CDON: variants seen among roughly 807,000 people sequenced by gnomAD.
CDON encodes cell adhesion associated, oncogene regulated, also known as cell adhesion molecule-related/down-regulated by oncogenes.
CDON carries 73 observed loss-of-function variants against 120.9 expected under a neutral mutation model. The ratio of observed to expected loss-of-function variants is 0.60; its 90% CI spans 0.50 to 0.73. The LOEUF (loss-of-function observed/expected upper bound fraction) is 0.73. Ranked by LOEUF, CDON falls within the 30% of genes least tolerant of loss-of-function variation. CDON has a pLI of 0.00. For synonymous variants in CDON, 566 were observed against 573.5 expected (o/e 0.99, Z 0.19); for missense variants, 1,470 against 1,587.3 (o/e 0.93, Z 1.26).
intron 1 of CDON, among the ~76,000 whole-genome samples, chr11:126,042,750 T>C (rs1161115050): frequency 6.6e-6 from 1 of 152,170 alleles, no homozygotes; most frequent in Non-Finnish European, 1.5e-5. Flanking sequence ...GCCTCCAAAG[T>C]AGCTGGGATT....
intron 17 of CDON, among the ~76,000 whole-genome samples, chr11:125,979,097 G>T (rs1254701385): frequency 6.6e-6 from 1 of 152,228 alleles, no homozygotes; most frequent in Non-Finnish European, 1.5e-5. Flanking sequence ...AAACTAGCCT[G>T]ATAGTCAGAG....
rs924374483 is a variant in CDON, at chr11:125,997,490, C to G, written c.2159-80G>C. Reference sequence around the variant, plus strand: ...ATAGTTAAATTAAAGGGATAAGTCCCAAACTTCATGTTATTAAAGGTTCTT... The same window carrying G: ...ATAGTTAAATTAAAGGGATAAGTCCGAAACTTCATGTTATTAAAGGTTCTT... On this transcript the variant is annotated intron_variant, in intron 11 of 19. Transcript: ENST00000531738. 8.3e-6 allele frequency: 9 copies of G among 1,087,076 alleles called. No individual in the cohort carries two copies. The Admixed American group carries it at 1.4e-4, about 17-fold the overall frequency. 67.3% of individuals were successfully genotyped at this position (1,087,076 alleles called of 1,614,324 possible). A position where few individuals can be genotyped will look rare whatever the true frequency, so the allele number is the denominator to read the frequency against.
chr11:126,003,447 C>T (rs1296399541), intron 10 of CDON, among the ~76,000 whole-genome samples: 4 of 152,260 alleles, frequency 2.6e-5, no homozygotes, highest in Non-Finnish European at 2.9e-5. Context: ...AATACAATCA[C>T]GTAAATGTGA....
chr11:126,004,060 C>A lies in CDON; in HGVS notation c.1868G>T (p.Gly623Val), dbSNP rs746219316. The A allele has an allele frequency of 1.9e-6, 3 of 1,613,808 alleles. No individual in the cohort carries two copies. The highest frequency in any genetic ancestry group is 1.7e-6 in the Non-Finnish European group (2 of 1,179,964). ...VKYRKLDDGVGMLGSWHTVRV... is the reference protein window; with the variant it reads ...VKYRKLDDGVVMLGSWHTVRV... ...AACCGTGTGCCAGCTTCCCAGCATG[C>A]CAACCCCATCATCCAGCTGCCCAAG... Residue 623 changes from glycine to valine, a missense_variant, in exon 10 of 20, where the codon GGC (glycine) becomes GTC (valine). Gly to Val is a moderately radical substitution (Grantham distance 109). Coordinates refer to ENST00000531738, the MANE Select transcript of CDON (RefSeq NM_001378964.1).
At chr11:125,981,949 G>C (rs987462773) in intron 16 of CDON, among the ~76,000 whole-genome samples, 2 of 129,738 alleles carry the variant, frequency 1.5e-5, no homozygotes, top group African/African-American at 5.5e-5. Context: ...GAGTACCAAA[G>C]GCAAAAAGTG....
At chr11:125,963,595 T>C (rs1208352777) in intron 18 of CDON, among the ~76,000 whole-genome samples, 1 of 152,170 alleles carries the variant, frequency 6.6e-6, no homozygotes, top group Non-Finnish European at 1.5e-5. Context: ...GACATGAACC[T>C]GAAAGAGAAT....
In CDON at chr11:126,004,074, C is replaced by A; in HGVS notation, c.1854G>T (p.Leu618=). 1 of 1,613,828 alleles carries A rather than the reference C, an allele frequency of 6.2e-7. No individual in the cohort carries two copies. The highest frequency in any genetic ancestry group is 1.1e-5 in the South Asian group (1 of 91,058). Residue 618 remains leucine, a splice_region_variant and synonymous_variant, in exon 10 of 20, where the codon CTG becomes CTT. Transcript: ENST00000531738. ...TTCCCAGCATGCCAACCCCATCATC[C>A]AGCTGCCCAAGAGAAAACACACCAG... ...INAYFVKYRK[L]DDGVGMLGSW...
At position 125,997,423 on chromosome 11, in the gene CDON, A is replaced by G; in HGVS notation, c.2159-13T>C. ...GGTGCCTCTGGAACTAAACACGGAA[A>G]CGTTCATTTCAATAACCCACCATGT... On this transcript the variant is annotated splice_polypyrimidine_tract_variant and intron_variant, in intron 11 of 19. Transcript: ENST00000531738. 6.3e-7 allele frequency: 1 copy of G among 1,587,144 alleles called. No homozygotes were observed. The highest frequency in any genetic ancestry group is 1.1e-5 in the South Asian group (1 of 89,408).
chr11:126,018,232 TAAAC>T, intron 5 of CDON, 94 bp downstream of exon 5: 1 of 1,299,314 alleles, frequency 7.7e-7, no homozygotes, highest in South Asian at 1.2e-5. Context: ...CTTTTTATGA[TAAAC>T]AAACAGGATT....
intron 19 of CDON, 50 bp from the exon 20 acceptor site, chr11:125,961,155 T>C (rs773799810): frequency 2.6e-6 from 4 of 1,555,640 alleles, no homozygotes; most frequent in Middle Eastern, 3.4e-4. Context: ...AAGGCTGATT[T>C]TTACAAAGCA....
Position 125,981,158 on chromosome 11 carries a change from G to C in CDON, c.3167C>G (p.Ala1056Gly), listed in dbSNP as rs764752866. The change falls in exon 17 of 20, where the codon GCA becomes GGA. Residue 1056 changes from alanine to glycine, a missense_variant. Ala to Gly is a moderately conservative substitution (Grantham distance 60). Transcript: ENST00000531738. ...GCTCCCATTCACAATTCCATTGACT[G>C]CATTGGGGACCTTATGGTGAAGGTG... Reference protein sequence around the residue: ...YSHLHHKVPNAVNGIVNGSLN... With the variant: ...YSHLHHKVPNGVNGIVNGSLN... The C allele has an allele frequency of 1.9e-6, 3 of 1,614,122 alleles. No individual in the cohort carries two copies. The South Asian group carries it at 3.3e-5, about 18-fold the overall frequency.
At chr11:125,962,106 GAA>G in intron 18 of CDON, 108 bp from the exon 19 acceptor site, 5 of 854,562 alleles carry the variant, frequency 5.9e-6, no homozygotes, top group African/African-American at 1.7e-5. Context: ...AGACTCTTAA[GAA>G]AGAGTGATGC....
At chr11:126,062,302 C>T (rs1202504769) in intron 1 of CDON, among the ~76,000 whole-genome samples, 1 of 152,064 alleles carries the variant, frequency 6.6e-6, no homozygotes, top group East Asian at 1.9e-4. Context: ...CCCCGAGGAC[C>T]ATCGTCAAGA....
chr11:125,983,821 T>A, intron 16 of CDON, 51 bp downstream of exon 16: 1 of 1,300,096 alleles, frequency 7.7e-7, no homozygotes, highest in African/African-American at 1.4e-5. Context: ...CTGACAATAT[T>A]TGTCTACCCA....
chr11:125,961,035 G>T lies in CDON; in HGVS notation c.3702C>A (p.Val1234=). 6.2e-7 allele frequency: 1 copy of T among 1,613,920 alleles called. No individual in the cohort carries two copies. The highest frequency in any genetic ancestry group is 8.5e-7 in the Non-Finnish European group (1 of 1,179,782). The part of the protein sequence containing the change: ...VSWNALILPP[V]PEGCAEKTMW... ...TTGTCTTCTCAGCACAGCCCTCGGG[G>T]ACAGGTGGCAAAATAAGAGCATTCC... The change falls in exon 20 of 20, where the codon GTC becomes GTA. Residue 1234 remains valine, a synonymous_variant. Coordinates refer to ENST00000531738, the MANE Select transcript of CDON (RefSeq NM_001378964.1).
At chr11:126,010,995 G>A in intron 7 of CDON, 2 of 461,556 alleles carry the variant, frequency 4.3e-6, no homozygotes, top group East Asian at 6.3e-5. Flanking sequence ...TCTGACCACT[G>A]CAAATATAGA....
chr11:126,015,285 C>T lies in CDON; in HGVS notation c.1154G>A (p.Gly385Glu). The change falls in exon 7 of 20, where the codon GGG (glycine) becomes GAG (glutamate). Residue 385 changes from glycine (G) to glutamate (E), a missense_variant. Coordinates refer to ENST00000531738, the MANE Select transcript of CDON (RefSeq NM_001378964.1). ...VGMYQCVADN[G>E]IGFMHSTGRL... ...TCCAGTAGAGTGCATAAATCCAATCCCATTATCTGCTACACACTGATACAT... is the reference window on the plus strand; with the variant it reads ...TCCAGTAGAGTGCATAAATCCAATCTCATTATCTGCTACACACTGATACAT... The T allele has an allele frequency of 6.2e-7, 1 of 1,614,052 alleles. No individual in the cohort carries two copies. Among genetic ancestry groups the T allele is most frequent in the Non-Finnish European group, 8.5e-7 (1 of 1,179,962 alleles).
chr11:125,971,835 TAA>T (rs987974480), intron 18 of CDON, among the ~76,000 whole-genome samples: 21 of 152,172 alleles, frequency 1.4e-4, no homozygotes, highest in African/African-American at 4.8e-4. Flanking sequence ...AGGCTGATGC[TAA>T]AAAAGACCAG....
At chr11:125,964,664 T>C (rs1045936902) in intron 18 of CDON, among the ~76,000 whole-genome samples, 34 of 151,848 alleles carry the variant, frequency 2.2e-4, no homozygotes, top group African/African-American at 7.7e-4. Context: ...TAAGAAAAGA[T>C]AAAAGACACG....
Sources: allele counts gnomAD v4.1 joint callset (sites outside exome capture counted in the v4.1 genomes callset), GRCh38; gene constraint gnomAD v4.1.1; transcripts MANE v1.5; gene names NCBI Gene and HGNC (gene_info 2026-07-23, HGNC 2026-07-21).